Variants in DTNBP1 observed in about 807,000 individuals in gnomAD.
The protein encoded by DTNBP1 is dystrobrevin binding protein 1, also known as dysbindin.
In DTNBP1, 35 loss-of-function variants were observed where a neutral mutation model predicts 42.8. That is an observed-to-expected ratio of 0.82 (90% CI 0.63 to 1.09). DTNBP1 has a LOEUF of 1.09. DTNBP1 is among the 50% of genes least tolerant of loss of function. The pLI is 0.00. For missense variants in DTNBP1, 457 were observed against 424.2 expected, an observed-to-expected ratio of 1.08 and a Z score of -0.68; for synonymous variants, 171 against 162.2, an observed-to-expected ratio of 1.05 and a Z score of -0.41.
chr6:15,574,554 A>G (rs1775481958), intron 7 of DTNBP1, among the ~76,000 whole-genome samples: 1 of 152,234 alleles, frequency 6.6e-6, no homozygotes, highest in African/African-American at 2.4e-5. Context: ...TGCTCTGAGC[A>G]TATTGTTTTC....
chr6:15,575,780 G>T (rs1215821324), intron 7 of DTNBP1, among the ~76,000 whole-genome samples: 5 of 152,204 alleles, frequency 3.3e-5, no homozygotes, highest in Non-Finnish European at 7.3e-5. Flanking sequence ...TGCACCTCAT[G>T]AGCTTTTGAG....
chr6:15,524,577 C>CTT lies in DTNBP1; in HGVS notation c.759_760insAA (p.Val254LysfsTer4). 1 of 1,611,866 alleles carries CTT rather than the reference C, an allele frequency of 6.2e-7. No homozygotes were observed. Among genetic ancestry groups the CTT allele is most frequent in the Non-Finnish European group, 8.5e-7 (1 of 1,178,830 alleles). ...TCTTCTCCTCCAGAGTTCAGGAAGA[C>CTT]GTCCAGGGCCTCCTGGTCCGATATG... On this transcript the variant is annotated frameshift_variant, in exon 9 of 10. Transcript: ENST00000344537. LOFTEE classifies it high-confidence loss of function.
At chr6:15,552,757 T>A (rs1774284192) in intron 7 of DTNBP1, among the ~76,000 whole-genome samples, 1 of 152,238 alleles carries the variant, frequency 6.6e-6, no homozygotes. Context: ...TGTGATAATG[T>A]CCTTTTCATG....
chr6:15,578,422 G>A (rs894970359), intron 7 of DTNBP1, among the ~76,000 whole-genome samples: 1 of 152,224 alleles, frequency 6.6e-6, no homozygotes, highest in African/African-American at 2.4e-5. Flanking sequence ...CATCTGAAGT[G>A]AGAACTCAGG....
intron 7 of DTNBP1, among the ~76,000 whole-genome samples, chr6:15,541,104 T>A (rs2113349063): frequency 6.6e-6 from 1 of 152,302 alleles, no homozygotes; most frequent in South Asian, 2.1e-4. Context: ...CCAGCTTCAC[T>A]GAGGACCGAG....
intron 8 of DTNBP1, among the ~76,000 whole-genome samples, chr6:15,531,085 A>C (rs1249907500): frequency 6.6e-6 from 1 of 152,146 alleles, no homozygotes; most frequent in East Asian, 1.9e-4. Flanking sequence ...ACTGTTGGCC[A>C]CGTGCACACA....
At chr6:15,553,970 G>A (rs1020504454) in intron 7 of DTNBP1, among the ~76,000 whole-genome samples, 2 of 152,054 alleles carry the variant, frequency 1.3e-5, no homozygotes, top group Non-Finnish European at 2.9e-5. Flanking sequence ...TGTGAGAGAC[G>A]CCAACCCTAC....
chr6:15,574,578 C>T (rs948790746), intron 7 of DTNBP1, among the ~76,000 whole-genome samples: 2 of 152,150 alleles, frequency 1.3e-5, no homozygotes, highest in African/African-American at 4.8e-5. Context: ...AAAAATTATT[C>T]GAAGTGAATC....
chr6:15,543,176 A>AT (rs992884273), intron 7 of DTNBP1, among the ~76,000 whole-genome samples: 6 of 152,032 alleles, frequency 3.9e-5, no homozygotes, highest in African/African-American at 1.5e-4. Context: ...CCCATCAGGG[A>AT]TTTTTCCCCC....
At chr6:15,579,787 G>A (rs545491765) in intron 7 of DTNBP1, 34 of 449,414 alleles carry the variant, frequency 7.6e-5, no homozygotes, top group South Asian at 4.3e-4. Context: ...CAGCCTGGCC[G>A]ACAGAGTGAG....
chr6:15,659,612 G>C (rs1225329777), intron 1 of DTNBP1, among the ~76,000 whole-genome samples: 1 of 149,696 alleles, frequency 6.7e-6, no homozygotes, highest in Non-Finnish European at 1.5e-5. Flanking sequence ...GAGTGCAGTG[G>C]TGTGATCTCG....
At chr6:15,583,246 G>T (rs546773842) in intron 7 of DTNBP1, among the ~76,000 whole-genome samples, 2 of 152,286 alleles carry the variant, frequency 1.3e-5, no homozygotes, top group South Asian at 4.1e-4. Context: ...GCCTTCCAAA[G>T]TGCTGGGATT....
intron 4 of DTNBP1, among the ~76,000 whole-genome samples, chr6:15,629,609 A>G (rs547651896): frequency 1.2e-4 from 18 of 152,306 alleles, no homozygotes; most frequent in African/African-American, 4.3e-4. Flanking sequence ...ATTATCAACA[A>G]TTATACAATA....
At chr6:15,523,844 G>C (rs761888199) in intron 9 of DTNBP1, 9 of 1,287,190 alleles carry the variant, frequency 7.0e-6, no homozygotes, top group Non-Finnish European at 9.1e-6. Context: ...CAGGAGAAGC[G>C]GGTGAGAAGT....
At chr6:15,620,165 A>C (rs185296780) in intron 5 of DTNBP1, among the ~76,000 whole-genome samples, 1 of 152,318 alleles carries the variant, frequency 6.6e-6, no homozygotes, top group Non-Finnish European at 1.5e-5. Flanking sequence ...AATGTAGTTC[A>C]TGGTGCTTTT....
rs113867853 is a variant in DTNBP1 at position 15,623,817 on chromosome 6, C to T, written c.355+3526G>A. ...TGGTTTTTCACAGAATAAGAAAGTG[C>T]ATAGAATCTGGATAAAAATATTCCA... On this transcript the variant is annotated intron_variant, in intron 5 of 9. Coordinates refer to ENST00000344537, the MANE Select transcript of DTNBP1 (RefSeq NM_032122.5). 6.4e-3 allele frequency among the ~76,000 whole-genome samples: 974 copies of T among 152,272 alleles called. 6 individuals are homozygous for T. The highest frequency in any genetic ancestry group is 9.7e-3 in the Non-Finnish European group (661 of 68,012).
chr6:15,585,967 T>C lies in DTNBP1; in HGVS notation c.511+7092A>G, dbSNP rs868506087. The C allele has an allele frequency of 1.3e-5, 17 of 1,311,434 alleles. No individual in the cohort carries two copies. In the Middle Eastern group the frequency reaches 2.6e-3, roughly 197 times the overall value. The allele number at this position is 1,311,434 out of a possible 1,614,324, so 81.2% of individuals were successfully genotyped here. ...TAAGCAGATATACATTGGAATCTACTGCCTCTATAAAAGCAAAATGCAAGC... is the reference window on the plus strand; with the variant it reads ...TAAGCAGATATACATTGGAATCTACCGCCTCTATAAAAGCAAAATGCAAGC... On this transcript the variant is annotated intron_variant, in intron 7 of 9. Coordinates refer to ENST00000344537, the MANE Select transcript of DTNBP1 (RefSeq NM_032122.5).
chr6:15,523,370 G>C, intron 9 of DTNBP1, 151 bp from the exon 10 acceptor site: 2 of 1,317,560 alleles, frequency 1.5e-6, no homozygotes. Context: ...GAACTGCCCT[G>C]GAAGACACTG....
chr6:15,545,596 GTTT>G (rs147001569), intron 7 of DTNBP1, among the ~76,000 whole-genome samples: 1 of 151,984 alleles, frequency 6.6e-6, no homozygotes, highest in East Asian at 1.9e-4. Context: ...AATAATGGCA[GTTT>G]TTTTGCAGAT....
Sources: allele counts gnomAD v4.1 joint callset (sites outside exome capture counted in the v4.1 genomes callset), GRCh38; gene constraint gnomAD v4.1.1; transcripts MANE v1.5; gene names NCBI Gene and HGNC (gene_info 2026-07-23, HGNC 2026-07-21).